Variants in CCDC88B observed in about 807,000 individuals in gnomAD.
CCDC88B encodes coiled-coil and HOOK domain protein 88B.
A neutral mutation model predicts 183.7 loss-of-function variants in CCDC88B; 138 were observed. The observed-to-expected ratio is 0.75, with a 90% CI of 0.65 to 0.87. The LOEUF is 0.87. CCDC88B is among the 40% of genes least tolerant of loss of function. The probability of loss-of-function intolerance (pLI) is 0.00; values close to 1 mark genes in which losing one functional copy is unlikely to be tolerated. For missense variants in CCDC88B, 1,822 were observed against 1,965.6 expected (o/e 0.93, Z 1.38); for synonymous variants, 835 against 867.5 (o/e 0.96, Z 0.66).
intron 14 of CCDC88B, 95 bp downstream of exon 14, chr11:64,345,252 CAGCACTG>C (rs2036063407): frequency 7.4e-7 from 1 of 1,348,670 alleles, no homozygotes; most frequent in African/African-American, 1.5e-5. Context: ...AGTGGGTGCC[CAGCACTG>C]AGCTGGGGCT....
intron 14 of CCDC88B, chr11:64,349,110 C>T: frequency 2.8e-6 from 2 of 720,064 alleles, no homozygotes; most frequent in South Asian, 1.5e-5. Flanking sequence ...GGGCCTTCCT[C>T]ATGCCCTGCC....
At position 64,343,242 on chromosome 11, in the gene CCDC88B, G is replaced by A; in HGVS notation, c.1126G>A (p.Ala376Thr). 6.5e-7 allele frequency: 1 copy of A among 1,547,706 alleles called. No individual in the cohort carries two copies. The highest frequency in any genetic ancestry group is 8.7e-7 in the Non-Finnish European group (1 of 1,146,506). ...GGCGCTGCTGGAAGAGCAGCTGGAGGCTGCCCGAGAGCGCTGCGCCCGGCT... is the reference window on the plus strand; with the variant it reads ...GGCGCTGCTGGAAGAGCAGCTGGAGACTGCCCGAGAGCGCTGCGCCCGGCT... ...SKALLEEQLE[A>T]ARERCARLHE... The change falls in exon 11 of 27, where the codon GCT becomes ACT. Residue 376 changes from alanine to threonine, a missense_variant. Ala to Thr is a moderately conservative substitution (Grantham distance 58). Transcript: ENST00000356786.
chr11:64,352,936 A>G (rs2036398722), intron 20 of CCDC88B, 49 bp downstream of exon 20: 1 of 1,521,190 alleles, frequency 6.6e-7, no homozygotes, highest in Non-Finnish European at 8.8e-7. Context: ...CCCCATCCTG[A>G]AAGTGGGTTG....
In CCDC88B at chr11:64,357,429, A is replaced by G; in HGVS notation, c.*335A>G. 1 of 717,304 alleles carries G rather than the reference A, an allele frequency of 1.4e-6. No homozygotes were observed. Among genetic ancestry groups the G allele is most frequent in the Non-Finnish European group, 2.6e-6 (1 of 385,038 alleles). The allele number at this position is 717,304 out of a possible 1,614,324, so 44.4% of individuals were successfully genotyped here. A position where few individuals can be genotyped will look rare whatever the true frequency, so the allele number is the denominator to read the frequency against. On this transcript the variant is annotated 3_prime_UTR_variant, in exon 27 of 27. Coordinates refer to ENST00000356786, the MANE Select transcript of CCDC88B (RefSeq NM_032251.6). ...GGCAAGAGAACCCCCTGCCCTGTCC[A>G]GGTGGGAAGCTGAGTCCCAGTGCTG...
At position 64,344,385 on chromosome 11, in the gene CCDC88B, A is replaced by T; in HGVS notation, c.1844A>T (p.Gln615Leu). ...APPQGPGTKI[Q>L]APQLLGGETE... ...CCTCAGGGTCCAGGGACCAAAATTC[A>T]GGCCCCGCAGTTGCTGGGAGGAGAG... Residue 615 changes from glutamine (Q) to leucine (L), a missense_variant, in exon 14 of 27, where the codon CAG (glutamine) becomes CTG (leucine). Coordinates refer to ENST00000356786, the MANE Select transcript of CCDC88B (RefSeq NM_032251.6). The surrounding 1 kb of genome is among the most constrained non-coding windows in gnomAD (Gnocchi z 4.5). The T allele has an allele frequency of 1.3e-6, 2 of 1,581,680 alleles. No homozygotes were observed. Among genetic ancestry groups the T allele is most frequent in the Non-Finnish European group, 1.7e-6 (2 of 1,165,260 alleles).
At chr11:64,353,910 A>G (rs1240375332) in intron 23 of CCDC88B, 94 bp from the exon 24 acceptor site, 44 of 1,578,284 alleles carry the variant, frequency 2.8e-5, no homozygotes, top group Non-Finnish European at 3.6e-5. Context: ...TCCAGGCCCC[A>G]TGAAGGTCAA....
intron 25 of CCDC88B, 65 bp downstream of exon 25, chr11:64,355,465 G>T: frequency 1.3e-6 from 2 of 1,584,190 alleles, no homozygotes; most frequent in Non-Finnish European, 1.7e-6. Flanking sequence ...CAGCTCCTTG[G>T]GGGAGGAGGC....
At chr11:64,347,959 A>C (rs2036177650) in intron 14 of CCDC88B, among the ~76,000 whole-genome samples, 1 of 148,652 alleles carries the variant, frequency 6.7e-6, no homozygotes, top group Non-Finnish European at 1.5e-5. Flanking sequence ...CTGAGGTAGG[A>C]GAATTGCTTG....
At position 64,344,102 on chromosome 11, in the gene CCDC88B, A is replaced by G; in HGVS notation, c.1561A>G (p.Lys521Glu). The stretch of plus-strand genomic sequence containing the variant: ...CCACAGCCCTCAGGGCTTGGTTCAG[A>G]AGGCAAGGGATGGAGGCCCCCAGGC... ...FDHSPQGLVQ[K>E]ARDGGPQALD... Residue 521 changes from lysine (K) to glutamate (E), a missense_variant, in exon 14 of 27, where the codon AAG becomes GAG. Physicochemically the swap from Lys to Glu is moderately conservative, Grantham distance 56 (BLOSUM62 1). Coordinates refer to ENST00000356786, the MANE Select transcript of CCDC88B (RefSeq NM_032251.6). The surrounding 1 kb of genome is among the most constrained non-coding windows in gnomAD (Gnocchi z 4.5). 1 of 1,612,952 alleles carries G rather than the reference A, an allele frequency of 6.2e-7. No individual in the cohort carries two copies. Among genetic ancestry groups the G allele is most frequent in the South Asian group, 1.1e-5 (1 of 91,022 alleles).
chr11:64,354,312 C>G (rs1591299794), intron 24 of CCDC88B, 142 bp downstream of exon 24: 1 of 641,482 alleles, frequency 1.6e-6, no homozygotes, highest in Non-Finnish European at 2.2e-6. Flanking sequence ...CTGATGCCAC[C>G]AGGGGCTCTT....
rs149658678 is a variant in CCDC88B at position 64,344,742 on chromosome 11, T to C, written c.2201T>C (p.Val734Ala). ...VAEQEALREEVAQLRRKAEAL... is the reference protein window; with the variant it reads ...VAEQEALREEAAQLRRKAEAL... The stretch of plus-strand genomic sequence containing the variant: ...GAGCAGGAGGCCCTCAGGGAGGAGG[T>C]GGCACAGTTGAGGAGAAAGGCTGAG... Residue 734 changes from valine to alanine, a missense_variant, in exon 14 of 27, where the codon GTG (valine) becomes GCG (alanine). Coordinates refer to ENST00000356786, the MANE Select transcript of CCDC88B (RefSeq NM_032251.6). The surrounding 1 kb of genome is among the most constrained non-coding windows in gnomAD (Gnocchi z 4.5). 3.1e-6 allele frequency: 5 copies of C among 1,612,724 alleles called. No homozygotes were observed. The African/African-American group carries it at 6.7e-5, about 22-fold the overall frequency.
At position 64,340,895 on chromosome 11, in the gene CCDC88B, TC is replaced by T; in HGVS notation, c.207-10del. On this transcript the variant is annotated splice_polypyrimidine_tract_variant and intron_variant, in intron 2 of 26. Transcript: ENST00000356786. ...CGGGAGGCGGGTCCTCGAGCCCACC[TC>T]CGGCTCATAGTGCCCCCAGCTCCCG... 1 of 1,542,536 alleles carries T rather than the reference TC, an allele frequency of 6.5e-7. No homozygotes were observed. Among genetic ancestry groups the T allele is most frequent in the Non-Finnish European group, 8.7e-7 (1 of 1,144,364 alleles).
In CCDC88B at chr11:64,353,377, G is replaced by A. The variant is rs773793819; in HGVS notation, c.3714G>A (p.Gln1238=). The change falls in exon 22 of 27, where the codon CAG becomes CAA. Residue 1238 remains glutamine, a synonymous_variant. Transcript: ENST00000356786. Reference sequence around the variant, plus strand: ...TATTGACACAGCTGCGAAGTGCCCAGGAAGAGGAGAACCGGCAGCTGCTGG... The same window carrying A: ...TATTGACACAGCTGCGAAGTGCCCAAGAAGAGGAGAACCGGCAGCTGCTGG... ...CELLTQLRSA[Q]EEENRQLLAE... The A allele has an allele frequency of 1.9e-6, 3 of 1,613,670 alleles. No individual in the cohort carries two copies. The highest frequency in any genetic ancestry group is 3.3e-5 in the Admixed American group (2 of 60,012).
intron 7 of CCDC88B, 38 bp from the exon 8 acceptor site, chr11:64,341,956 G>C: frequency 4.4e-6 from 7 of 1,605,074 alleles, no homozygotes; most frequent in Non-Finnish European, 6.0e-6. Context: ...CAGAGGCATT[G>C]GATAAGTTAG....
intron 14 of CCDC88B, chr11:64,348,888 C>G: frequency 1.5e-6 from 1 of 651,862 alleles, no homozygotes; most frequent in Non-Finnish European, 2.9e-6. Flanking sequence ...TCCTGACTTC[C>G]TGTCCCTCCA....
chr11:64,344,534 G>C lies in CCDC88B; in HGVS notation c.1993G>C (p.Gly665Arg), dbSNP rs746908515. 6.2e-7 allele frequency: 1 copy of C among 1,605,378 alleles called. No homozygotes were observed. The highest frequency in any genetic ancestry group is 1.3e-5 in the African/African-American group (1 of 74,794). The change falls in exon 14 of 27, where the codon GGC becomes CGC. Residue 665 changes from glycine to arginine, a missense_variant. By Grantham distance (125) the Gly-to-Arg change is moderately radical (BLOSUM62 -2). Transcript: ENST00000356786. The surrounding 1 kb of genome is among the most constrained non-coding windows in gnomAD (Gnocchi z 4.5). Reference sequence around the variant, plus strand: ...CTCTGTGCAGCTGGAGGAGCAGGAGGGCCCAAACCAGGGCCTGGACCTGGC... The same window carrying C: ...CTCTGTGCAGCTGGAGGAGCAGGAGCGCCCAAACCAGGGCCTGGACCTGGC... ...PSSVQLEEQE[G>R]PNQGLDLATG...
chr11:64,348,730 T>C (rs2036212676), intron 14 of CCDC88B: 2 of 445,938 alleles, frequency 4.5e-6, no homozygotes, highest in Admixed American at 4.2e-5. Flanking sequence ...TGTGGCAGAA[T>C]GGTTTGGTCT....
rs559455323 is a variant in CCDC88B, at chr11:64,344,437, C to T, written c.1896C>T (p.Gly632=). 39 of 1,591,146 alleles carry T rather than the reference C, an allele frequency of 2.5e-5. No homozygotes were observed. The highest frequency in any genetic ancestry group is 1.6e-4 in the East Asian group (7 of 44,598). ...GETEGREAPQ[G]ELVPEAWGLR... ...CAGAGGGAAGAGAGGCTCCCCAAGGCGAGTTGGTGCCTGAGGCCTGGGGGT... is the reference window on the plus strand; with the variant it reads ...CAGAGGGAAGAGAGGCTCCCCAAGGTGAGTTGGTGCCTGAGGCCTGGGGGT... Residue 632 remains glycine, a synonymous_variant, in exon 14 of 27, where the codon GGC becomes GGT. Coordinates refer to ENST00000356786, the MANE Select transcript of CCDC88B (RefSeq NM_032251.6). The surrounding 1 kb of genome is among the most constrained non-coding windows in gnomAD (Gnocchi z 4.5).
intron 12 of CCDC88B, 50 bp from the exon 13 acceptor site, chr11:64,343,728 G>A (rs1266250230): frequency 1.3e-6 from 2 of 1,528,980 alleles, no homozygotes; most frequent in Non-Finnish European, 1.8e-6. Flanking sequence ...GTGTGTATGT[G>A]AGGAGCCAGG....
Sources: allele counts gnomAD v4.1 joint callset (sites outside exome capture counted in the v4.1 genomes callset), GRCh38; gene constraint gnomAD v4.1.1; non-coding constraint Gnocchi (gnomAD v3.1); transcripts MANE v1.5; gene names NCBI Gene and HGNC (gene_info 2026-07-23, HGNC 2026-07-21).